Variants in CABIN1 observed in about 807,000 individuals in gnomAD.
The protein encoded by CABIN1 is calcineurin binding protein 1.
In CABIN1, 133 loss-of-function variants were observed where a neutral mutation model predicts 227.7. That is an observed-to-expected ratio of 0.58 (90% confidence interval 0.51 to 0.67). The LOEUF is 0.67. CABIN1 is among the 30% of genes least tolerant of loss of function. CABIN1 has a pLI of 0.00. For missense variants in CABIN1, 2,408 were observed against 2,852.5 expected (o/e 0.84, Z 3.55); for synonymous variants, 1,086 against 1,155.1 (o/e 0.94, Z 1.21).
In CABIN1 at chr22:24,117,631, C is replaced by A. The variant is rs1359062496; in HGVS notation, c.4301-1736C>A. 2.1e-4 allele frequency among the ~76,000 whole-genome samples: 32 copies of A among 152,138 alleles called. 1 individual carries two copies. The highest frequency in any genetic ancestry group is 2.1e-3 in the Admixed American group (32 of 15,284). On this transcript the variant is annotated intron_variant, in intron 27 of 36. Coordinates refer to ENST00000263119, the MANE Select transcript of CABIN1 (RefSeq NM_012295.4). Reference sequence around the variant, plus strand: ...GAGAGGGGCGGCTGAGCGGGTCTTCCCTGAAGCTGGGTTTCTGACTCAGTC... The same window carrying A: ...GAGAGGGGCGGCTGAGCGGGTCTTCACTGAAGCTGGGTTTCTGACTCAGTC...
intron 26 of CABIN1, among the ~76,000 whole-genome samples, chr22:24,111,926 C>A (rs2042830355): frequency 6.6e-6 from 1 of 152,202 alleles, no homozygotes; most frequent in South Asian, 2.1e-4. Flanking sequence ...TTATTTCTAG[C>A]CTTTGCATTT....
chr22:24,092,121 G>A (rs969805277), intron 24 of CABIN1: 3 of 504,944 alleles, frequency 5.9e-6, no homozygotes, highest in East Asian at 7.2e-5. Flanking sequence ...ACCTGACCTT[G>A]GTGATGACAG....
chr22:24,132,228 T>G (rs2044120843), intron 28 of CABIN1, among the ~76,000 whole-genome samples: 1 of 152,350 alleles, frequency 6.6e-6, no homozygotes. Flanking sequence ...TGATGCAGGT[T>G]GTGAGCCCCT....
At chr22:24,174,363 A>T (rs1481211054) in intron 34 of CABIN1, among the ~76,000 whole-genome samples, 2 of 152,170 alleles carry the variant, frequency 1.3e-5, no homozygotes, top group African/African-American at 2.4e-5. Context: ...TCCTGGGCTC[A>T]GGAGATCCAC....
intron 1 of CABIN1, among the ~76,000 whole-genome samples, chr22:24,017,447 T>C (rs1436746094): frequency 6.6e-6 from 1 of 152,238 alleles, no homozygotes; most frequent in Non-Finnish European, 1.5e-5. Context: ...TTTCATCTTT[T>C]CAAACTGAAA....
rs749493804 is a variant in CABIN1, at chr22:24,063,038, C to T, written c.1776C>T (p.Asp592=). 6 of 1,614,182 alleles carry T rather than the reference C, an allele frequency of 3.7e-6. No individual in the cohort carries two copies. The highest frequency in any genetic ancestry group is 5.1e-6 in the Non-Finnish European group (6 of 1,180,024). ...PDFPGTHCLG[D]LLQLSFASSQ... ...TCCCAGGGACCCACTGCCTGGGTGA[C>T]CTCCTACAGCTGTCATTTGCCTCGT... Residue 592 remains aspartate (D), a synonymous_variant, in exon 14 of 37, where the codon GAC becomes GAT. Transcript: ENST00000263119.
At chr22:24,059,610 A>G (rs563634438) in intron 11 of CABIN1, among the ~76,000 whole-genome samples, 1 of 152,336 alleles carries the variant, frequency 6.6e-6, no homozygotes, top group African/African-American at 2.4e-5. Context: ...TTGAATCTAT[A>G]TAAGCACACC....
At chr22:24,034,557 C>G (rs2036727968) in intron 1 of CABIN1, among the ~76,000 whole-genome samples, 1 of 152,072 alleles carries the variant, frequency 6.6e-6, no homozygotes, top group African/African-American at 2.4e-5. Context: ...GAAATAATGC[C>G]TCTGTGAACA....
rs141281378 is a variant in CABIN1 at position 24,133,494 on chromosome 22, C to T, written c.4633-808C>T. On this transcript the variant is annotated intron_variant, in intron 28 of 36. Coordinates refer to ENST00000263119, the MANE Select transcript of CABIN1 (RefSeq NM_012295.4). The stretch of plus-strand genomic sequence containing the variant: ...GGGAAAGGCGAGCAAGGGACCTGAG[C>T]GGGAGGGGAGGACAGATTGGCTGGG... 9.6e-3 allele frequency among the ~76,000 whole-genome samples: 1,463 copies of T among 152,254 alleles called. 28 individuals are homozygous for T. The highest frequency in any genetic ancestry group is 0.033 in the African/African-American group (1,373 of 41,540).
rs563536572 is a variant in CABIN1, at chr22:24,034,556, C to T, written c.-74-888C>T. Reference sequence around the variant, plus strand: ...CACCTTTTAGCTTTTAGAAATAATGCCTCTGTGAACATTCATGAACAAGTT... The same window carrying T: ...CACCTTTTAGCTTTTAGAAATAATGTCTCTGTGAACATTCATGAACAAGTT... On this transcript the variant is annotated intron_variant, in intron 1 of 36. Transcript: ENST00000263119. Among the ~76,000 whole-genome samples, 12 of 152,270 alleles carry T rather than the reference C, an allele frequency of 7.9e-5. No individual in the cohort carries two copies. The South Asian group carries it at 2.5e-3, about 32-fold the overall frequency.
chr22:24,032,612 A>C (rs1345883797), intron 1 of CABIN1, among the ~76,000 whole-genome samples: 1 of 152,236 alleles, frequency 6.6e-6, no homozygotes, highest in African/African-American at 2.4e-5. Context: ...AGGAATGTAC[A>C]AAGACTCCAG....
chr22:24,124,675 C>G (rs1370497958), intron 28 of CABIN1, among the ~76,000 whole-genome samples: 1 of 152,170 alleles, frequency 6.6e-6, no homozygotes, highest in African/African-American at 2.4e-5. Flanking sequence ...TATAGGCACC[C>G]CAGGAGAGAG....
chr22:24,124,889 G>A (rs1295209966), intron 28 of CABIN1, among the ~76,000 whole-genome samples: 2 of 152,134 alleles, frequency 1.3e-5, no homozygotes, highest in Non-Finnish European at 2.9e-5. Context: ...GTTCCCTGGA[G>A]CCAATAATCT....
intron 19 of CABIN1, among the ~76,000 whole-genome samples, chr22:24,082,085 CTTTTTTTTTTTTT>C (rs71184946): frequency 8.3e-6 from 1 of 121,182 alleles, no homozygotes; most frequent in Admixed American, 8.9e-5. Flanking sequence ...TATTCTCTCT[CTTTTTTTTTTTTT>C]TTTTTTTTGA....
At chr22:24,161,152 C>T (rs780253091) in intron 29 of CABIN1, among the ~76,000 whole-genome samples, 2 of 152,204 alleles carry the variant, frequency 1.3e-5, no homozygotes, top group Non-Finnish European at 2.9e-5. Context: ...CTCTCTGTGA[C>T]CTCATCTGCC....
In CABIN1 at chr22:24,167,073, C is replaced by G; in HGVS notation, c.5442C>G (p.Thr1814=). The change falls in exon 32 of 37, where the codon ACC becomes ACG. Residue 1814 remains threonine, a synonymous_variant. Transcript: ENST00000263119. ...ISARQQPTPL[T]PAQPAPAPAP... is the part of the protein sequence containing the mutation. ...CCCGGCAGCAGCCCACCCCGCTCACCCCAGCCCAGCCAGCCCCCGCCCCCG... is the reference window on the plus strand; with the variant it reads ...CCCGGCAGCAGCCCACCCCGCTCACGCCAGCCCAGCCAGCCCCCGCCCCCG... 1 of 1,545,196 alleles carries G rather than the reference C, an allele frequency of 6.5e-7. No individual in the cohort carries two copies. The highest frequency in any genetic ancestry group is 8.7e-7 in the Non-Finnish European group (1 of 1,145,202).
intron 33 of CABIN1, among the ~76,000 whole-genome samples, chr22:24,169,246 C>T (rs773019458): frequency 2.7e-4 from 41 of 152,258 alleles, no homozygotes; most frequent in South Asian, 8.3e-4. Context: ...AAACATAAGC[C>T]TCCAAGCCAG....
At chr22:24,119,168 G>T (rs1361351322) in intron 27 of CABIN1, among the ~76,000 whole-genome samples, 199 bp from the exon 28 acceptor site, 2 of 152,224 alleles carry the variant, frequency 1.3e-5, no homozygotes, top group African/African-American at 4.8e-5. Flanking sequence ...CCTGTTTCAT[G>T]GAGCGGGAGA....
intron 10 of CABIN1, chr22:24,056,675 G>A (rs1376640208): frequency 8.2e-6 from 3 of 365,808 alleles, no homozygotes; most frequent in Non-Finnish European, 1.5e-5. Context: ...GGGGTGCTGT[G>A]CCTTGGGTGC....
Sources: allele counts gnomAD v4.1 joint callset (sites outside exome capture counted in the v4.1 genomes callset), GRCh38; gene constraint gnomAD v4.1.1; transcripts MANE v1.5; gene names NCBI Gene and HGNC (gene_info 2026-07-23, HGNC 2026-07-21).